Variants in SLC6A2 observed in about 807,000 individuals in gnomAD.
SLC6A2 encodes solute carrier family 6 member 2.
Under a neutral mutation model 71.7 loss-of-function variants are expected in SLC6A2, and 26 were observed. The ratio of observed to expected loss-of-function variants is 0.36; its 90% CI spans 0.27 to 0.50. The LOEUF is 0.50. Ranked by LOEUF, SLC6A2 falls within the 20% of genes least tolerant of loss-of-function variation. The probability of loss-of-function intolerance (pLI) is 0.96; values close to 1 mark genes in which losing one functional copy is unlikely to be tolerated. For missense variants in SLC6A2, 581 were observed against 803.9 expected (o/e 0.72, Z 3.35); for synonymous variants, 363 against 337.9 (o/e 1.07, Z -0.82).
intron 5 of SLC6A2, among the ~76,000 whole-genome samples, chr16:55,685,543 C>G (rs1388156449): frequency 6.6e-6 from 1 of 152,138 alleles, no homozygotes; most frequent in East Asian, 1.9e-4. Flanking sequence ...CTGCCAAAAC[C>G]TCCCTAATAG....
chr16:55,663,469 C>A (rs941400992), intron 2 of SLC6A2, among the ~76,000 whole-genome samples: 1 of 152,306 alleles, frequency 6.6e-6, no homozygotes, highest in East Asian at 1.9e-4. Flanking sequence ...CAACCTTGAA[C>A]TTTCCAGTCA....
At chr16:55,679,778 G>C (rs1328331835) in intron 4 of SLC6A2, among the ~76,000 whole-genome samples, 1 of 152,210 alleles carries the variant, frequency 6.6e-6, no homozygotes, top group African/African-American at 2.4e-5. Flanking sequence ...GCTGCTGCTG[G>C]GGTGAAAGGC....
At chr16:55,660,607 G>T (rs1361125914) in intron 2 of SLC6A2, among the ~76,000 whole-genome samples, 1 of 152,228 alleles carries the variant, frequency 6.6e-6, no homozygotes, top group South Asian at 2.1e-4. Flanking sequence ...AGCCGTTTAA[G>T]ACTGGAGTTT....
In SLC6A2 at chr16:55,699,158, AAG is replaced by A. The variant is rs553150219; in HGVS notation, c.1490-393_1490-392del. Among the ~76,000 whole-genome samples the A allele has an allele frequency of 3.0e-3, 456 of 152,292 alleles. 2 individuals carry two copies. Among genetic ancestry groups the A allele is most frequent in the African/African-American group, 0.01 (433 of 41,556 alleles). ...TGCCACTCAGAAAGAGATTCAATGG[AAG>A]AGTCTGGGCTCTCCTATCAGATTGA... is the stretch of plus-strand genomic sequence containing the variant. On this transcript the variant is annotated intron_variant, in intron 11 of 14. Transcript: ENST00000568943.
At chr16:55,657,040 C>A in intron 2 of SLC6A2, 72 bp downstream of exon 2, 1 of 1,540,088 alleles carries the variant, frequency 6.5e-7, no homozygotes, top group Non-Finnish European at 8.9e-7. Flanking sequence ...GGGACAGGAG[C>A]TGGAATACAC....
At chr16:55,693,195 T>A (rs1228631211) in intron 6 of SLC6A2, among the ~76,000 whole-genome samples, 1 of 152,168 alleles carries the variant, frequency 6.6e-6, no homozygotes, top group East Asian at 1.9e-4. Context: ...AAGACCAGCC[T>A]GGCCAACATG....
rs764709786 is a variant in SLC6A2 at position 55,695,258 on chromosome 16, C to T, written c.1023-20C>T. 1.9e-6 allele frequency: 3 copies of T among 1,614,000 alleles called. No individual in the cohort carries two copies. Among genetic ancestry groups the T allele is most frequent in the South Asian group, 1.1e-5 (1 of 91,078 alleles). On this transcript the variant is annotated intron_variant, in intron 7 of 14. Coordinates refer to ENST00000568943, the MANE Select transcript of SLC6A2 (RefSeq NM_001172501.3). ...TTGAGGGTGTCAAGGGACTTGACCT[C>T]ACTGTGCTTCTTCCCCCAGGGATGC...
At chr16:55,667,350 C>A (rs1361837556) in intron 2 of SLC6A2, among the ~76,000 whole-genome samples, 1 of 152,224 alleles carries the variant, frequency 6.6e-6, no homozygotes, top group Non-Finnish European at 1.5e-5. Context: ...AGCAACTTAA[C>A]CTTTCTAAGC....
chr16:55,661,347 G>A (rs1467464811), intron 2 of SLC6A2, among the ~76,000 whole-genome samples: 3 of 152,140 alleles, frequency 2.0e-5, no homozygotes, highest in African/African-American at 4.8e-5. Flanking sequence ...GAAAGGTAAC[G>A]ATAGACAAAT....
chr16:55,691,771 A>G, intron 5 of SLC6A2, 147 bp from the exon 6 acceptor site: 2 of 914,040 alleles, frequency 2.2e-6, no homozygotes, highest in South Asian at 2.9e-5. Context: ...GGCCTTGCCT[A>G]GAGCTGGAAC....
rs1482196197 is a variant in SLC6A2, at chr16:55,696,397, A to G, written c.1260+60A>G. ...CCCACTGGGCCTGACCCCCTTCCCC[A>G]ACACACAGTGCTGGGCCTGAAGTTC... On this transcript the variant is annotated intron_variant, in intron 9 of 14. Coordinates refer to ENST00000568943, the MANE Select transcript of SLC6A2 (RefSeq NM_001172501.3). The G allele has an allele frequency of 2.7e-5, 27 of 984,594 alleles. No homozygotes were observed. In the East Asian group the frequency reaches 6.2e-4, roughly 23 times the overall value. 61.0% of individuals were successfully genotyped at this position (984,594 alleles called of 1,614,324 possible). A position where few individuals can be genotyped will look rare whatever the true frequency, so the allele number is the denominator to read the frequency against.
chr16:55,663,440 C>G (rs1964662596), intron 2 of SLC6A2, among the ~76,000 whole-genome samples: 1 of 152,270 alleles, frequency 6.6e-6, no homozygotes, highest in South Asian at 2.1e-4. Context: ...GCCAGAGGCC[C>G]CCACCAGATA....
At chr16:55,701,327 A>G (rs39694) in intron 13 of SLC6A2, among the ~76,000 whole-genome samples, 11,989 of 152,190 alleles carry the variant, frequency 0.079, 912 homozygotes, top group East Asian at 0.21. Flanking sequence ...CATTCTAGAC[A>G]TGGGAACTGG....
At position 55,702,758 on chromosome 16, in the gene SLC6A2, AAAACT is replaced by A. The variant is rs1349762186; in HGVS notation, c.*416_*420del. ...TCAGATACCCCTCCCAAAAAAAAAA[AAAACT>A]AAAACTAAAGCAAAAATCAAACAAA... On this transcript the variant is annotated 3_prime_UTR_variant, in exon 15 of 15. Transcript: ENST00000568943. 3.0e-5 allele frequency: 32 copies of A among 1,050,048 alleles called. No homozygotes were observed. In the African/African-American group the frequency reaches 3.4e-4, roughly 11 times the overall value. The allele number at this position is 1,050,048 out of a possible 1,614,324, so 65.0% of individuals were successfully genotyped here. A position where few individuals can be genotyped will look rare whatever the true frequency, so the allele number is the denominator to read the frequency against.
intron 6 of SLC6A2, among the ~76,000 whole-genome samples, chr16:55,693,611 C>T (rs574870922): frequency 6.6e-6 from 1 of 152,348 alleles, no homozygotes; most frequent in East Asian, 1.9e-4. Context: ...TTGTAGAAGC[C>T]TCCTAGGAAT....
intron 5 of SLC6A2, among the ~76,000 whole-genome samples, chr16:55,690,851 C>T (rs897345981): frequency 5.3e-5 from 8 of 152,170 alleles, no homozygotes; most frequent in South Asian, 2.1e-4. Flanking sequence ...GAAGGAATAG[C>T]AAGGAAACCT....
chr16:55,663,646 T>C (rs1010596466), intron 2 of SLC6A2, among the ~76,000 whole-genome samples: 1 of 152,228 alleles, frequency 6.6e-6, no homozygotes, highest in Non-Finnish European at 1.5e-5. Context: ...CCTATCTGTC[T>C]ATCTATCTAT....
intron 2 of SLC6A2, 61 bp from the exon 3 acceptor site, chr16:55,669,504 G>C: frequency 6.2e-7 from 1 of 1,601,754 alleles, no homozygotes; most frequent in Non-Finnish European, 8.5e-7. Context: ...TTGCAGACAC[G>C]GATCCAAGAC....
chr16:55,685,186 A>G lies in SLC6A2; in HGVS notation c.688A>G (p.Ile230Val). The change falls in exon 5 of 15, where the codon ATC becomes GTC. Residue 230 changes from isoleucine (I) to valine (V), a missense_variant. Ile to Val is a conservative substitution (Grantham distance 29). This residue lies in a region of SLC6A2 where 87 missense variants were observed against 99.5 expected (regional missense o/e 0.87). Transcript: ENST00000568943. ...HLHESSGIHD[I>V]GLPQWQLLLC... ...TCACGAGAGCAGCGGGATTCATGAC[A>G]TCGGCCTGCCCCAGTGGCAGCTCTT... is the stretch of plus-strand genomic sequence containing the variant. The G allele has an allele frequency of 6.2e-7, 1 of 1,614,012 alleles. No individual in the cohort carries two copies. Among genetic ancestry groups the G allele is most frequent in the Non-Finnish European group, 8.5e-7 (1 of 1,179,958 alleles).
Sources: gnomAD v4.1 joint callset for allele counts (sites outside exome capture counted in the v4.1 genomes callset) on GRCh38, gnomAD v4.1.1 for gene constraint, gnomAD v4.1.1 regional missense constraint, MANE v1.5 for transcripts, NCBI Gene and HGNC (gene_info 2026-07-23, HGNC 2026-07-21) for gene names.